Variants in KIAA1958 observed in about 807,000 individuals in gnomAD.
KIAA1958 encodes uncharacterized protein KIAA1958.
A neutral mutation model predicts 47.2 loss-of-function variants in KIAA1958; 14 were observed. The observed-to-expected ratio is 0.30, with a 90% CI of 0.20 to 0.46. KIAA1958 has a LOEUF of 0.46. KIAA1958 is among the 20% of genes least tolerant of loss of function. The pLI, the probability that KIAA1958 is intolerant of heterozygous loss-of-function variation, is 1.00. For synonymous variants in KIAA1958, 354 were observed against 353.3 expected, an observed-to-expected ratio of 1.00 and a Z score of -0.02; for missense variants, 803 against 909.2, an observed-to-expected ratio of 0.88 and a Z score of 1.50.
chr9:112,531,818 G>A (rs934442776), intron 1 of KIAA1958, among the ~76,000 whole-genome samples: 4 of 152,164 alleles, frequency 2.6e-5, no homozygotes, highest in African/African-American at 4.8e-5. Flanking sequence ...TTATCCACAC[G>A]AATGGATCAA....
chr9:112,607,672 A>G (rs963368742), intron 2 of KIAA1958, among the ~76,000 whole-genome samples: 2 of 149,842 alleles, frequency 1.3e-5, no homozygotes, highest in African/African-American at 2.5e-5. Context: ...CTAATGTACA[A>G]TGATCAGCAC....
chr9:112,538,909 T>G (rs1354310571), intron 1 of KIAA1958, among the ~76,000 whole-genome samples: 1 of 152,124 alleles, frequency 6.6e-6, no homozygotes, highest in Non-Finnish European at 1.5e-5. Context: ...ATTTTTCCAG[T>G]GAAGATATGC....
chr9:112,584,822 TG>T (rs1835795976), intron 2 of KIAA1958, among the ~76,000 whole-genome samples: 4 of 152,314 alleles, frequency 2.6e-5, no homozygotes, highest in South Asian at 4.1e-4. Context: ...AGAGGGAACC[TG>T]GCCCCCTCCT....
Position 112,487,093 on chromosome 9 carries a change from A to G in KIAA1958, c.-50A>G, listed in dbSNP as rs1464654527. On this transcript the variant is annotated 5_prime_UTR_variant, in exon 1 of 4. It removes an upstream start codon present in the reference 5' UTR. Coordinates refer to ENST00000337530, the MANE Select transcript of KIAA1958 (RefSeq NM_133465.4). ...GCCCCCCCGCGCCGACCGCGTTCCT[A>G]TGGACAGACGCACAGACACCTGCAG... is the stretch of plus-strand genomic sequence containing the variant. 3.2e-5 allele frequency: 7 copies of G among 220,468 alleles called. No individual in the cohort carries two copies. Among genetic ancestry groups the G allele is most frequent in the African/African-American group, 4.8e-5 (2 of 41,738 alleles). 13.7% of individuals were successfully genotyped at this position (220,468 alleles called of 1,614,324 possible).
chr9:112,620,717 G>GAA (rs1269503944), intron 2 of KIAA1958, among the ~76,000 whole-genome samples: 1 of 151,778 alleles, frequency 6.6e-6, no homozygotes, highest in Admixed American at 6.6e-5. Context: ...TGCCATTTTT[G>GAA]AGCCAGCATG....
At chr9:112,492,091 C>CTA (rs1833979752) in intron 1 of KIAA1958, among the ~76,000 whole-genome samples, 1 of 152,190 alleles carries the variant, frequency 6.6e-6, no homozygotes, top group Admixed American at 6.5e-5. Flanking sequence ...TCTTAACCAG[C>CTA]TAGGACTACT....
At chr9:112,613,450 G>C (rs943575764) in intron 2 of KIAA1958, among the ~76,000 whole-genome samples, 1 of 151,654 alleles carries the variant, frequency 6.6e-6, no homozygotes, top group Admixed American at 6.6e-5. Flanking sequence ...TTCAACAGGA[G>C]GCAAAAAGCA....
chr9:112,490,781 C>T (rs965783783), intron 1 of KIAA1958, among the ~76,000 whole-genome samples: 8 of 152,026 alleles, frequency 5.3e-5, no homozygotes, highest in South Asian at 4.1e-4. Context: ...GCTTTTTCAC[C>T]GTTAGTGTTC....
At chr9:112,646,596 T>C (rs141597794) in intron 3 of KIAA1958, among the ~76,000 whole-genome samples, 1 of 152,238 alleles carries the variant, frequency 6.6e-6, no homozygotes, top group East Asian at 1.9e-4. Context: ...AAGCCAGGGG[T>C]ACTGGCACAC....
At chr9:112,623,881 A>C (rs909306931) in intron 2 of KIAA1958, among the ~76,000 whole-genome samples, 1 of 152,120 alleles carries the variant, frequency 6.6e-6, no homozygotes, top group Non-Finnish European at 1.5e-5. Flanking sequence ...TAGACTGTGA[A>C]CCTATTCAGA....
chr9:112,531,213 A>AC (rs1353211384), intron 1 of KIAA1958, among the ~76,000 whole-genome samples: 1 of 152,060 alleles, frequency 6.6e-6, no homozygotes, highest in Non-Finnish European at 1.5e-5. Context: ...ACATGGAGAA[A>AC]CCCCATCTCT....
chr9:112,584,445 A>C (rs1360604817), intron 2 of KIAA1958, among the ~76,000 whole-genome samples: 1 of 152,232 alleles, frequency 6.6e-6, no homozygotes, highest in Non-Finnish European at 1.5e-5. Context: ...ATATTTACGA[A>C]GGCATTGTAA....
At position 112,666,394 on chromosome 9, in the gene KIAA1958, A is replaced by G. The variant is rs1381085334; in HGVS notation, c.*6325A>G. ...TCAATAAGGAAATTTAAGGCCAGAG[A>G]TATTAAAGGGCCCATCCAAGATCAG... On this transcript the variant is annotated 3_prime_UTR_variant, in exon 4 of 4. Coordinates refer to ENST00000337530, the MANE Select transcript of KIAA1958 (RefSeq NM_133465.4). 10 of 152,196 alleles carry G rather than the reference A, an allele frequency of 6.6e-5. No homozygotes were observed. Among genetic ancestry groups the G allele is most frequent in the African/African-American group, 4.8e-5 (2 of 41,444 alleles). 9.4% of individuals were successfully genotyped at this position (152,196 alleles called of 1,614,324 possible). A position where few individuals can be genotyped will look rare whatever the true frequency, so the allele number is the denominator to read the frequency against.
chr9:112,500,435 G>A (rs1587989848), intron 1 of KIAA1958, among the ~76,000 whole-genome samples: 1 of 151,274 alleles, frequency 6.6e-6, no homozygotes, highest in East Asian at 1.9e-4. Context: ...TTATCCTATT[G>A]ATTAACCTTA....
At chr9:112,487,583 C>G (rs1833882882) in intron 1 of KIAA1958, among the ~76,000 whole-genome samples, 1 of 152,196 alleles carries the variant, frequency 6.6e-6, no homozygotes, top group Non-Finnish European at 1.5e-5. Context: ...GTTCAGGGCT[C>G]TGCCCCACTA....
intron 1 of KIAA1958, among the ~76,000 whole-genome samples, chr9:112,568,936 T>TAAAAAAAAAAAAA (rs57898820): frequency 1.4e-3 from 50 of 36,454 alleles, no homozygotes; most frequent in Non-Finnish European, 1.8e-3. Flanking sequence ...ATAGGAAAAC[T>TAAAAAAAAAAAAA]AAAAAAAAAA....
rs938927956 is a variant in KIAA1958 at position 112,526,692 on chromosome 9, TGGG to T, written c.-25+39576_-25+39578del. On this transcript the variant is annotated intron_variant, in intron 1 of 3. Transcript: ENST00000337530. ...GGCAAGATGGTAAGAGAGAGCAAGA[TGGG>T]GATAAACATGATTTTTAAATAACAG... Among the ~76,000 whole-genome samples the T allele has an allele frequency of 5.6e-4, 86 of 152,254 alleles. 1 individual carries two copies. The highest frequency in any genetic ancestry group is 2.1e-3 in the African/African-American group (86 of 41,548).
At chr9:112,525,386 T>A (rs1834622154) in intron 1 of KIAA1958, among the ~76,000 whole-genome samples, 1 of 152,204 alleles carries the variant, frequency 6.6e-6, no homozygotes, top group South Asian at 2.1e-4. Flanking sequence ...AGAAATACAT[T>A]CTCTCCTGGA....
chr9:112,601,898 C>G (rs963193080), intron 2 of KIAA1958, among the ~76,000 whole-genome samples: 1 of 152,176 alleles, frequency 6.6e-6, no homozygotes, highest in African/African-American at 2.4e-5. Flanking sequence ...TCATACTGGA[C>G]TAACATACTA....
Sources: allele counts gnomAD v4.1 joint callset (sites outside exome capture counted in the v4.1 genomes callset), GRCh38; gene constraint gnomAD v4.1.1; transcripts MANE v1.5; gene names NCBI Gene and HGNC (gene_info 2026-07-23, HGNC 2026-07-21).